CHM: variants seen among roughly 807,000 people sequenced by gnomAD.
CHM encodes CHM Rab escort protein.
A neutral mutation model predicts 49.0 loss-of-function variants in CHM; 10 were observed. That is an observed-to-expected ratio of 0.20 (90% CI 0.13 to 0.35). The LOEUF is 0.35. Ranked by LOEUF, CHM falls within the 10% of genes least tolerant of loss-of-function variation. The pLI, the probability that CHM is intolerant of heterozygous loss-of-function variation, is 1.00. For synonymous variants in CHM, 184 were observed against 167.5 expected, an observed-to-expected ratio of 1.10 and a Z score of -0.76; for missense variants, 455 against 478.4, an observed-to-expected ratio of 0.95 and a Z score of 0.46.
At chrX:86,029,908 G>A (rs1195184074) in intron 1 of CHM, among the ~76,000 whole-genome samples, 5 of 111,446 alleles carry the variant, frequency 4.5e-5, no homozygotes, top group Non-Finnish European at 7.5e-5. Flanking sequence ...GTTAGCAAGG[G>A]TACTTGCCCT....
intron 4 of CHM, 64 bp downstream of exon 4, chrX:85,978,703 C>T (rs1931423352): frequency 2.8e-6 from 3 of 1,082,156 alleles, no homozygotes; most frequent in Non-Finnish European, 3.8e-6. Context: ...TTATTGTTGG[C>T]TTCTTCTAAA....
chrX:85,992,888 G>T (rs928004628), intron 2 of CHM, among the ~76,000 whole-genome samples: 7 of 112,157 alleles, frequency 6.2e-5, no homozygotes, highest in South Asian at 3.7e-4. Context: ...TAGGGCTGGA[G>T]AGAGATTTTC....
intron 12 of CHM, among the ~76,000 whole-genome samples, chrX:85,882,787 T>C (rs1226539992): frequency 9.0e-6 from 1 of 111,662 alleles, no homozygotes; most frequent in Admixed American, 9.5e-5. Context: ...GAAGTAGGAT[T>C]TCTGCTCAGA....
At chrX:86,016,104 G>T in intron 2 of CHM, among the ~76,000 whole-genome samples, 1 of 111,092 alleles carries the variant, frequency 9.0e-6, no homozygotes, top group East Asian at 2.8e-4. Flanking sequence ...CTGCACTCTG[G>T]CCTAGGAGAC....
intron 8 of CHM, among the ~76,000 whole-genome samples, chrX:85,942,179 T>C (rs1929143003): frequency 9.1e-6 from 1 of 110,082 alleles, no homozygotes; most frequent in South Asian, 3.9e-4. Flanking sequence ...AAGGCATAGA[T>C]ATCATCTGCT....
At chrX:85,879,738 G>C (rs898053684) in intron 12 of CHM, among the ~76,000 whole-genome samples, 13 of 110,899 alleles carry the variant, frequency 1.2e-4, no homozygotes, top group Admixed American at 6.7e-4. Flanking sequence ...AAAGAATAAA[G>C]AGTTCTGTGT....
At chrX:86,047,123 A>T (rs1322839194) in intron 1 of CHM, 1 of 290,357 alleles carries the variant, frequency 3.4e-6, no homozygotes, top group Non-Finnish European at 6.2e-6. Flanking sequence ...TGAAATCAAT[A>T]AGGAAGGAAT....
intron 4 of CHM, among the ~76,000 whole-genome samples, chrX:85,972,347 G>A (rs986823943): frequency 2.2e-4 from 25 of 113,593 alleles, no homozygotes; most frequent in African/African-American, 7.3e-4. Flanking sequence ...CCAGTCCCGC[G>A]CCATGCGCTC....
chrX:86,004,066 G>C (rs935512531), intron 2 of CHM, among the ~76,000 whole-genome samples: 4 of 112,032 alleles, frequency 3.6e-5, no homozygotes, highest in Admixed American at 9.5e-5. Flanking sequence ...CGGATCTCTC[G>C]GCACAAACCT....
rs777687244 is a variant in CHM, at chrX:86,028,880, A to C, written c.50-1323T>G. ...AAAAAAACAGCACCAGTCTTTTGGC[A>C]AGGGTTTAAACTACACACTAAGCAT... On this transcript the variant is annotated intron_variant, in intron 1 of 14. Transcript: ENST00000357749. Among the ~76,000 whole-genome samples the C allele has an allele frequency of 3.6e-5, 4 of 111,700 alleles. No individual in the cohort carries two copies. In the East Asian group the frequency reaches 1.1e-3, roughly 31 times the overall value.
chrX:86,020,409 G>T (rs1032593995), intron 2 of CHM, among the ~76,000 whole-genome samples: 15 of 109,144 alleles, frequency 1.4e-4, no homozygotes, highest in African/African-American at 5.0e-4. Context: ...CCTTTTGAGT[G>T]CCAATATGAT....
At chrX:85,935,195 GA>G (rs1815299869) in intron 8 of CHM, among the ~76,000 whole-genome samples, 1 of 111,128 alleles carries the variant, frequency 9.0e-6, no homozygotes, top group Admixed American at 9.6e-5. Flanking sequence ...GCAAGGGAGG[GA>G]GGAGAGGAGG....
At chrX:85,912,468 A>G (rs1219212966) in intron 8 of CHM, among the ~76,000 whole-genome samples, 1 of 111,801 alleles carries the variant, frequency 8.9e-6, no homozygotes, top group Non-Finnish European at 1.9e-5. Flanking sequence ...TATCTGATTG[A>G]GATTATAAAA....
intron 14 of CHM, among the ~76,000 whole-genome samples, chrX:85,871,633 T>C (rs1924081707): frequency 9.0e-6 from 1 of 111,219 alleles, no homozygotes; most frequent in South Asian, 3.8e-4. Flanking sequence ...AGTACCAAAA[T>C]TAGCACTATA....
At chrX:85,981,652 G>A in intron 3 of CHM, 85 bp downstream of exon 3, 1 of 641,472 alleles carries the variant, frequency 1.6e-6, no homozygotes, top group South Asian at 2.7e-5. Context: ...TGTTACAGGT[G>A]AAGCTTAGGG....
At chrX:85,983,257 A>T (rs1331206378) in intron 2 of CHM, among the ~76,000 whole-genome samples, 1 of 110,761 alleles carries the variant, frequency 9.0e-6, no homozygotes, top group African/African-American at 3.3e-5. Context: ...ACTGTCCAGA[A>T]TCTCCAATGG....
intron 2 of CHM, among the ~76,000 whole-genome samples, chrX:86,022,484 C>A (rs1933647848): frequency 9.0e-6 from 1 of 111,157 alleles, no homozygotes. Flanking sequence ...AAAATCTACA[C>A]CCTCCTGCTT....
At chrX:85,868,620 C>A (rs1355519992) in intron 14 of CHM, among the ~76,000 whole-genome samples, 1 of 111,519 alleles carries the variant, frequency 9.0e-6, no homozygotes, top group Non-Finnish European at 1.9e-5. Flanking sequence ...TCATCTGTTC[C>A]TTCCCCACTG....
chrX:85,873,327 C>T, intron 13 of CHM, 115 bp from the exon 14 acceptor site: 1 of 515,732 alleles, frequency 1.9e-6, no homozygotes, highest in Non-Finnish European at 3.2e-6. Context: ...GAAATCAGAG[C>T]TTCGTATGTA....
Sources: allele counts gnomAD v4.1 joint callset (sites outside exome capture counted in the v4.1 genomes callset), GRCh38; gene constraint gnomAD v4.1.1; transcripts MANE v1.5; gene names NCBI Gene and HGNC (gene_info 2026-07-23, HGNC 2026-07-21).